Variants in CSMD2 observed in about 807,000 individuals in gnomAD.
CSMD2 encodes the protein CUB and sushi domain-containing protein 2.
Under a neutral mutation model 398.5 loss-of-function variants are expected in CSMD2, and 130 were observed. The ratio of observed to expected loss-of-function variants is 0.33; its 90% confidence interval spans 0.28 to 0.38. The LOEUF (loss-of-function observed/expected upper bound fraction) is 0.38. Ranked by LOEUF, CSMD2 falls within the 10% of genes least tolerant of loss-of-function variation. The pLI is 1.00. For synonymous variants in CSMD2, 1,828 were observed against 1,908.5 expected, an observed-to-expected ratio of 0.96 and a Z score of 1.10; for missense variants, 3,829 against 4,764.9, an observed-to-expected ratio of 0.80 and a Z score of 5.78.
chr1:34,135,775 G>A (rs4653394), intron 1 of CSMD2, among the ~76,000 whole-genome samples: 47,092 of 151,868 alleles, frequency 0.31, 8,573 homozygotes, highest in Non-Finnish European at 0.41. Flanking sequence ...ATGTTACAGA[G>A]TAATGTATAT....
At chr1:33,672,527 C>G (rs1644541461) in intron 25 of CSMD2, among the ~76,000 whole-genome samples, 1 of 152,210 alleles carries the variant, frequency 6.6e-6, no homozygotes, top group South Asian at 2.1e-4. Flanking sequence ...ATAGGCTCCA[C>G]CCCTGGGGGC....
intron 3 of CSMD2, among the ~76,000 whole-genome samples, chr1:33,947,936 C>T (rs191966530): frequency 4.1e-4 from 63 of 152,324 alleles, no homozygotes; most frequent in South Asian, 6.2e-4. Flanking sequence ...CACATTCACA[C>T]AGCATGGAAC....
chr1:34,013,147 A>T (rs1647596104), intron 3 of CSMD2, among the ~76,000 whole-genome samples: 1 of 152,176 alleles, frequency 6.6e-6, no homozygotes, highest in Non-Finnish European at 1.5e-5. Flanking sequence ...CCTTCCGGGG[A>T]GGGCTGCTTT....
At chr1:33,955,994 C>T (rs889537668) in intron 3 of CSMD2, among the ~76,000 whole-genome samples, 1 of 152,156 alleles carries the variant, frequency 6.6e-6, no homozygotes, top group Non-Finnish European at 1.5e-5. Context: ...AGGCTGGGGC[C>T]TGTGTTCCTG....
intron 2 of CSMD2, among the ~76,000 whole-genome samples, chr1:34,078,321 G>C (rs1656669904): frequency 6.6e-6 from 1 of 152,048 alleles, no homozygotes; most frequent in African/African-American, 2.4e-5. Context: ...ATACATACAT[G>C]CACAATTAAT....
chr1:33,928,022 G>A (rs1409156663), intron 4 of CSMD2, among the ~76,000 whole-genome samples: 5 of 152,196 alleles, frequency 3.3e-5, no homozygotes, highest in African/African-American at 1.2e-4. Context: ...CCTGACTGGT[G>A]GAGCCATGCA....
intron 58 of CSMD2, among the ~76,000 whole-genome samples, chr1:33,542,308 T>C (rs923255493): frequency 1.3e-5 from 2 of 152,168 alleles, no homozygotes; most frequent in South Asian, 2.1e-4. Context: ...AGATGGCAGA[T>C]AGCTGCATCT....
chr1:33,752,626 A>G (rs1648412714), intron 13 of CSMD2, among the ~76,000 whole-genome samples: 1 of 152,214 alleles, frequency 6.6e-6, no homozygotes, highest in South Asian at 2.1e-4. Flanking sequence ...TTACTATAAG[A>G]TACCTGATGA....
intron 2 of CSMD2, among the ~76,000 whole-genome samples, chr1:34,085,948 A>G (rs1657826746): frequency 6.6e-6 from 1 of 151,944 alleles, no homozygotes; most frequent in Non-Finnish European, 1.5e-5. Flanking sequence ...TCTGTATGTC[A>G]ATCTCCATTT....
chr1:33,678,481 C>G (rs10914762), intron 25 of CSMD2, among the ~76,000 whole-genome samples: 2 of 152,046 alleles, frequency 1.3e-5, no homozygotes, highest in Non-Finnish European at 2.9e-5. Flanking sequence ...ATAAACCCAT[C>G]GCTGATGTGA....
chr1:33,757,790 T>C (rs959338002), intron 13 of CSMD2, among the ~76,000 whole-genome samples: 2 of 152,320 alleles, frequency 1.3e-5, no homozygotes, highest in African/African-American at 2.4e-5. Flanking sequence ...TCTCCCTCGC[T>C]CTCATATTCA....
rs748572524 is a variant in CSMD2, at chr1:33,918,139, C to G, written c.875G>C (p.Gly292Ala). ...CCCAGTGACTTCCAGAAAGTCGTAA[C>G]CATCCTCCAGCTGGAAGTCAATAAA... is the stretch of plus-strand genomic sequence containing the variant. Reference protein sequence around the residue: ...LVFIDFQLEDGYDFLEVTGTE... With the variant: ...LVFIDFQLEDAYDFLEVTGTE... The change falls in exon 5 of 71, where the codon GGT (glycine) becomes GCT (alanine). Residue 292 changes from glycine to alanine, a missense_variant. Transcript: ENST00000373381. 3 of 1,614,014 alleles carry G rather than the reference C, an allele frequency of 1.9e-6. No homozygotes were observed. In the African/African-American group the frequency reaches 4.0e-5, roughly 22 times the overall value.
intron 1 of CSMD2, among the ~76,000 whole-genome samples, chr1:34,157,416 AG>A (rs1640903550): frequency 6.6e-6 from 1 of 151,996 alleles, no homozygotes; most frequent in Non-Finnish European, 1.5e-5. Context: ...CTTATCTCCC[AG>A]TCTCTTGTTC....
rs565823890 is a variant in CSMD2 at position 34,076,526 on chromosome 1, C to T, written c.404+12451G>A. Among the ~76,000 whole-genome samples the T allele has an allele frequency of 5.9e-5, 9 of 152,304 alleles. No individual in the cohort carries two copies. The South Asian group carries it at 1.0e-3, about 18-fold the overall frequency. ...TCTCCACTTGCAGTTGGGACAACCA[C>T]AAATTTCTCCAGATGTGGCCAAATG... On this transcript the variant is annotated intron_variant, in intron 2 of 70. Transcript: ENST00000373381.
At chr1:33,729,484 TTTATTA>T (rs981763703) in intron 15 of CSMD2, among the ~76,000 whole-genome samples, 1 of 149,960 alleles carries the variant, frequency 6.7e-6, no homozygotes, top group Non-Finnish European at 1.5e-5. Flanking sequence ...TTTTTAAAAT[TTTATTA>T]TTATTATACT....
intron 1 of CSMD2, among the ~76,000 whole-genome samples, chr1:34,092,836 C>T (rs1173816615): frequency 6.6e-6 from 1 of 152,176 alleles, no homozygotes; most frequent in African/African-American, 2.4e-5. Flanking sequence ...GGGGGAGGGG[C>T]GCCCACCATT....
At chr1:34,016,090 T>C (rs1466557218) in intron 3 of CSMD2, among the ~76,000 whole-genome samples, 1 of 152,106 alleles carries the variant, frequency 6.6e-6, no homozygotes, top group African/African-American at 2.4e-5. Context: ...TTTATATACA[T>C]ATATTTAGTT....
rs368128192 is a variant in CSMD2, at chr1:33,990,929, T to G, written c.517+41665A>C. 9.9e-5 allele frequency among the ~76,000 whole-genome samples: 15 copies of G among 152,180 alleles called. No individual in the cohort carries two copies. In the South Asian group the frequency reaches 2.5e-3, roughly 25 times the overall value. The stretch of plus-strand genomic sequence containing the variant: ...GTAAATATTGCATGGGTCATACTTA[T>G]AATAGAATATCGTATGGGACATATT... On this transcript the variant is annotated intron_variant, in intron 3 of 70. Coordinates refer to ENST00000373381, the MANE Select transcript of CSMD2 (RefSeq NM_001281956.2).
intron 22 of CSMD2, among the ~76,000 whole-genome samples, chr1:33,704,734 T>A (rs1265178414): frequency 6.6e-6 from 1 of 152,208 alleles, no homozygotes; most frequent in Non-Finnish European, 1.5e-5. Context: ...CTCACATTCC[T>A]GGAATCAAAC....
Sources: gnomAD v4.1 joint callset for allele counts (sites outside exome capture counted in the v4.1 genomes callset) on GRCh38, gnomAD v4.1.1 for gene constraint, MANE v1.5 for transcripts, NCBI Gene and HGNC (gene_info 2026-07-23, HGNC 2026-07-21) for gene names.